RBFOX1: variants seen among roughly 807,000 people sequenced by gnomAD.
RBFOX1 encodes the protein RNA binding protein fox-1 homolog 1.
Under a neutral mutation model 57.7 loss-of-function variants are expected in RBFOX1, and 8 were observed. That is an observed-to-expected ratio of 0.14 (90% CI 0.08 to 0.25). The LOEUF is 0.25. Among genes scored for constraint, RBFOX1 ranks in the 10% least tolerant of loss-of-function variants. RBFOX1 has a pLI of 1.00. For synonymous variants in RBFOX1, 326 were observed against 222.4 expected (o/e 1.47, Z -4.15); for missense variants, 611 against 548.5 (o/e 1.11, Z -1.14).
intron 2 of RBFOX1, among the ~76,000 whole-genome samples, chr16:6,560,915 C>G (rs1225551286): frequency 6.6e-6 from 1 of 152,158 alleles, no homozygotes; most frequent in Non-Finnish European, 1.5e-5. Context: ...CAGGCCACAT[C>G]AAGATGATGC....
At chr16:6,318,326 C>T (rs574489147) in intron 2 of RBFOX1, among the ~76,000 whole-genome samples, 10 of 152,260 alleles carry the variant, frequency 6.6e-5, no homozygotes, top group Non-Finnish European at 1.0e-4. Context: ...GTTCAGGCTT[C>T]GGCATTTCTT....
chr16:7,465,049 C>G (rs1249441027), intron 4 of RBFOX1, among the ~76,000 whole-genome samples: 1 of 151,990 alleles, frequency 6.6e-6, no homozygotes, highest in Non-Finnish European at 1.5e-5. Context: ...GTTACCTCTT[C>G]CAGGGCATGG....
rs370083812 is a variant in RBFOX1, at chr16:7,059,695, T to A, written c.27+7597T>A. On this transcript the variant is annotated intron_variant, in intron 4 of 15. Coordinates refer to ENST00000550418, the MANE Select transcript of RBFOX1 (RefSeq NM_018723.4). Reference sequence around the variant, plus strand: ...TGTCCCATCTCTTTATAAAGCATATTGGCAGATGTGCACAGCATCCTATGT... The same window carrying A: ...TGTCCCATCTCTTTATAAAGCATATAGGCAGATGTGCACAGCATCCTATGT... Among the ~76,000 whole-genome samples, 3 of 152,182 alleles carry A rather than the reference T, an allele frequency of 2.0e-5. 1 individual carries two copies. The highest frequency in any genetic ancestry group is 2.9e-5 in the Non-Finnish European group (2 of 68,032).
chr16:6,681,419 A>G (rs1167098929), intron 3 of RBFOX1, among the ~76,000 whole-genome samples: 1 of 152,228 alleles, frequency 6.6e-6, no homozygotes, highest in African/African-American at 2.4e-5. Context: ...ATCAATTGGT[A>G]ATATTTGCCT....
At chr16:5,248,458 C>T (rs1164082920) in intron 1 of RBFOX1, among the ~76,000 whole-genome samples, 12 of 152,206 alleles carry the variant, frequency 7.9e-5, no homozygotes, top group Non-Finnish European at 1.5e-5. Context: ...CTTTCCCCTT[C>T]TATTCGGCCG....
At chr16:6,149,151 G>C (rs918097719) in intron 1 of RBFOX1, among the ~76,000 whole-genome samples, 1 of 152,196 alleles carries the variant, frequency 6.6e-6, no homozygotes, top group Non-Finnish European at 1.5e-5. Flanking sequence ...ATTTTGTTAG[G>C]CGCTTTGGGG....
chr16:6,505,978 C>A (rs1302262748), intron 2 of RBFOX1, among the ~76,000 whole-genome samples: 1 of 152,110 alleles, frequency 6.6e-6, no homozygotes, highest in Non-Finnish European at 1.5e-5. Flanking sequence ...GAAATCACAT[C>A]ATCACAATAG....
chr16:7,325,846 T>C (rs1368844538), intron 4 of RBFOX1, among the ~76,000 whole-genome samples: 2 of 152,166 alleles, frequency 1.3e-5, no homozygotes, highest in Non-Finnish European at 2.9e-5. Context: ...ATGTAGCATC[T>C]CAGGGAATTT....
intron 4 of RBFOX1, among the ~76,000 whole-genome samples, chr16:5,888,142 C>G (rs2057946234): frequency 6.6e-6 from 1 of 152,148 alleles, no homozygotes; most frequent in Admixed American, 6.5e-5. Flanking sequence ...AGCTTTGTGA[C>G]TTTCTCAGCC....
intron 3 of RBFOX1, among the ~76,000 whole-genome samples, chr16:6,797,261 C>T (rs548611693): frequency 1.3e-5 from 2 of 152,150 alleles, no homozygotes; most frequent in South Asian, 2.1e-4. Context: ...TCCCCCATAA[C>T]GCTGTCCTTA....
At chr16:5,627,743 A>G (rs1240211427) in intron 3 of RBFOX1, among the ~76,000 whole-genome samples, 2 of 152,224 alleles carry the variant, frequency 1.3e-5, no homozygotes, top group East Asian at 1.9e-4. Flanking sequence ...TATAACAACT[A>G]TTTACATAGC....
chr16:5,351,651 C>T (rs2065264736), intron 1 of RBFOX1, among the ~76,000 whole-genome samples: 1 of 152,202 alleles, frequency 6.6e-6, no homozygotes, highest in Non-Finnish European at 1.5e-5. Flanking sequence ...TGCCTGTGAG[C>T]TTAGGAATTG....
chr16:6,732,259 A>C (rs1325734245), intron 3 of RBFOX1, among the ~76,000 whole-genome samples: 1 of 152,168 alleles, frequency 6.6e-6, no homozygotes. Context: ...GTGGTGTTAG[A>C]TGTGGCCAAG....
chr16:5,638,269 G>C (rs953376862), intron 3 of RBFOX1, among the ~76,000 whole-genome samples: 15 of 152,302 alleles, frequency 9.8e-5, no homozygotes, highest in Admixed American at 6.5e-5. Flanking sequence ...AGGTGGAAGA[G>C]CCTGGGGTCC....
At chr16:7,695,366 A>G (rs2147761798) in intron 14 of RBFOX1, among the ~76,000 whole-genome samples, 1 of 150,192 alleles carries the variant, frequency 6.7e-6, no homozygotes, top group East Asian at 2.0e-4. Flanking sequence ...GTTTCAGTGA[A>G]AGCCTTCTAG....
chr16:7,182,992 C>T (rs955059107), intron 4 of RBFOX1, among the ~76,000 whole-genome samples: 1 of 152,180 alleles, frequency 6.6e-6, no homozygotes, highest in Non-Finnish European at 1.5e-5. Flanking sequence ...TTCCTGAGAG[C>T]TAAGCCTTAT....
chr16:6,910,102 G>A (rs574904813), intron 3 of RBFOX1, among the ~76,000 whole-genome samples: 8 of 152,096 alleles, frequency 5.3e-5, no homozygotes, highest in East Asian at 1.9e-4. Flanking sequence ...CCTGGACCAC[G>A]GAAAACCTTG....
chr16:6,337,326 G>T (rs1163263749), intron 2 of RBFOX1, among the ~76,000 whole-genome samples: 2 of 152,152 alleles, frequency 1.3e-5, no homozygotes, highest in African/African-American at 4.8e-5. Flanking sequence ...TCCCAACAGG[G>T]ATGGCTTCTT....
intron 2 of RBFOX1, among the ~76,000 whole-genome samples, chr16:6,357,544 A>C (rs2087576517): frequency 6.6e-6 from 1 of 151,752 alleles, no homozygotes; most frequent in Non-Finnish European, 1.5e-5. Context: ...GGTCGTCTGC[A>C]CAAGCGCTCT....
Sources: gnomAD v4.1 joint callset for allele counts (sites outside exome capture counted in the v4.1 genomes callset) on GRCh38, gnomAD v4.1.1 for gene constraint, MANE v1.5 for transcripts, NCBI Gene and HGNC (gene_info 2026-07-23, HGNC 2026-07-21) for gene names.